LRRC4C: variants seen among roughly 807,000 people sequenced by gnomAD.
LRRC4C encodes the protein leucine rich repeat containing 4C.
LRRC4C carries 5 observed loss-of-function variants against 33.6 expected under a neutral mutation model. The ratio of observed to expected loss-of-function variants is 0.15; its 90% CI spans 0.08 to 0.31. The LOEUF (loss-of-function observed/expected upper bound fraction) is 0.31, where lower values mean the gene tolerates loss of function less well. LRRC4C is among the 10% of genes least tolerant of loss of function. The probability of loss-of-function intolerance (pLI) is 1.00; values close to 1 mark genes in which losing one functional copy is unlikely to be tolerated. For missense variants in LRRC4C, 560 were observed against 796.7 expected, an observed-to-expected ratio of 0.70 and a Z score of 3.58; for synonymous variants, 329 against 302.0, an observed-to-expected ratio of 1.09 and a Z score of -0.93.
intron 5 of LRRC4C, among the ~76,000 whole-genome samples, chr11:40,228,617 C>T: frequency 6.6e-6 from 1 of 152,252 alleles, no homozygotes; most frequent in East Asian, 1.9e-4. Context: ...TAAAGCGCTC[C>T]ACCATGAATT....
At chr11:40,339,303 T>C (rs1380213997) in intron 3 of LRRC4C, among the ~76,000 whole-genome samples, 12 of 152,160 alleles carry the variant, frequency 7.9e-5, no homozygotes, top group African/African-American at 2.9e-4. Flanking sequence ...CTTTCCACAA[T>C]ATAATAAAAA....
At chr11:40,930,665 G>A (rs1957581433) in intron 2 of LRRC4C, among the ~76,000 whole-genome samples, 2 of 152,116 alleles carry the variant, frequency 1.3e-5, no homozygotes, top group Admixed American at 1.3e-4. Context: ...AATTGCTGCT[G>A]TGTCTAGATT....
chr11:41,000,603 C>T (rs368196916), intron 1 of LRRC4C, among the ~76,000 whole-genome samples: 9 of 152,096 alleles, frequency 5.9e-5, no homozygotes, highest in African/African-American at 1.9e-4. Flanking sequence ...CAACACTGGG[C>T]CTATTGATCG....
chr11:40,290,904 T>A lies in LRRC4C; in HGVS notation c.-176+28724A>T, dbSNP rs536288567. 3.8e-4 allele frequency among the ~76,000 whole-genome samples: 58 copies of A among 152,184 alleles called. 1 individual carries two copies. In the South Asian group the frequency reaches 0.012, roughly 32 times the overall value. On this transcript the variant is annotated intron_variant, in intron 4 of 6. Transcript: ENST00000528697. ...CAATGTGCCTTCCTTTGACCCTTAC[T>A]CATAAAACGGCATCCAAAATACAGG...
intron 1 of LRRC4C, among the ~76,000 whole-genome samples, chr11:41,112,264 G>A (rs1941875937): frequency 6.6e-6 from 1 of 151,998 alleles, no homozygotes. Flanking sequence ...ACAAAAACAA[G>A]TAAAACCTTT....
intron 1 of LRRC4C, among the ~76,000 whole-genome samples, chr11:41,202,942 T>A (rs1413062847): frequency 1.3e-5 from 2 of 152,100 alleles, no homozygotes; most frequent in Non-Finnish European, 2.9e-5. Flanking sequence ...TGTGCCACCA[T>A]ATCCAGCTAA....
At chr11:40,614,367 C>T (rs1010605687) in intron 3 of LRRC4C, among the ~76,000 whole-genome samples, 39 of 151,896 alleles carry the variant, frequency 2.6e-4, no homozygotes, top group African/African-American at 9.2e-4. Flanking sequence ...ATGAACCCAC[C>T]TCTGCTAGCT....
chr11:41,412,239 C>A lies in LRRC4C; in HGVS notation c.-496+47192G>T, dbSNP rs1308067365. On this transcript the variant is annotated intron_variant, in intron 1 of 6. Coordinates refer to ENST00000528697, the MANE Select transcript of LRRC4C (RefSeq NM_001258419.2). The stretch of plus-strand genomic sequence containing the variant: ...CATCAAAAAACTGGGCAAATAATTA[C>A]CTTACTTGTTTTTATGAATCTTTCC... Among the ~76,000 whole-genome samples the A allele has an allele frequency of 2.0e-5, 3 of 152,210 alleles. No homozygotes were observed. In the East Asian group the frequency reaches 5.8e-4, roughly 29 times the overall value.
intron 1 of LRRC4C, among the ~76,000 whole-genome samples, chr11:40,944,210 C>G (rs1400195396): frequency 6.6e-6 from 1 of 152,196 alleles, no homozygotes; most frequent in East Asian, 1.9e-4. Context: ...GATTTCATCA[C>G]TAATATTTGC....
chr11:40,131,717 G>T (rs1856656359), intron 6 of LRRC4C, among the ~76,000 whole-genome samples: 1 of 152,086 alleles, frequency 6.6e-6, no homozygotes, highest in Non-Finnish European at 1.5e-5. Flanking sequence ...ACAGTGTCTT[G>T]TACATAATCA....
chr11:40,671,005 C>T (rs1047281219), intron 2 of LRRC4C, among the ~76,000 whole-genome samples: 1 of 152,150 alleles, frequency 6.6e-6, no homozygotes, highest in African/African-American at 2.4e-5. Context: ...CCTCGTGATC[C>T]GCCCGCCTTG....
At position 40,178,600 on chromosome 11, in the gene LRRC4C, C is replaced by A. The variant is rs1860714278; in HGVS notation, c.-95-37747G>T. Among the ~76,000 whole-genome samples, 2 of 152,344 alleles carry A rather than the reference C, an allele frequency of 1.3e-5. 1 individual carries two copies. Among genetic ancestry groups the A allele is most frequent in the South Asian group, 4.1e-4 (2 of 4,832 alleles). On this transcript the variant is annotated intron_variant, in intron 5 of 6. Transcript: ENST00000528697. ...TTACATTTGTCCCCCTATATCCACTCTCTCCCTTCTCCACCCTGTTAAGAC... is the reference window on the plus strand; with the variant it reads ...TTACATTTGTCCCCCTATATCCACTATCTCCCTTCTCCACCCTGTTAAGAC...
intron 3 of LRRC4C, among the ~76,000 whole-genome samples, chr11:40,577,228 T>C (rs977763969): frequency 6.6e-6 from 1 of 152,176 alleles, no homozygotes; most frequent in Non-Finnish European, 1.5e-5. Context: ...AGCTAACAGG[T>C]CCAATTCTTC....
intron 3 of LRRC4C, among the ~76,000 whole-genome samples, chr11:40,459,073 T>C (rs1299041842): frequency 6.6e-6 from 1 of 152,202 alleles, no homozygotes; most frequent in Non-Finnish European, 1.5e-5. Context: ...AAATGTATTA[T>C]GCTCTTCATG....
At chr11:41,004,795 T>A (rs1249890844) in intron 1 of LRRC4C, among the ~76,000 whole-genome samples, 7 of 150,966 alleles carry the variant, frequency 4.6e-5, no homozygotes, top group Admixed American at 4.6e-4. Context: ...AAAAAAAAAA[T>A]TAAACAGAGA....
At position 40,528,494 on chromosome 11, in the gene LRRC4C, T is replaced by G. The variant is rs138234590; in HGVS notation, c.-270+119648A>C. Among the ~76,000 whole-genome samples, 774 of 150,124 alleles carry G rather than the reference T, an allele frequency of 5.2e-3. 22 individuals carry two copies. The highest frequency in any genetic ancestry group is 0.032 in the Admixed American group (487 of 15,112). On this transcript the variant is annotated intron_variant, in intron 3 of 6. Coordinates refer to ENST00000528697, the MANE Select transcript of LRRC4C (RefSeq NM_001258419.2). ...TGTCTTTTATAAAAAAAAAAAGAAG[T>G]GTAGGCAAGGATGTTAAAGAACTGG...
chr11:41,426,363 T>A (rs1955043431), intron 1 of LRRC4C: 1 of 152,214 alleles, frequency 6.6e-6, no homozygotes, highest in Non-Finnish European at 1.5e-5. Context: ...ACCTCCTTGC[T>A]GATTTCTGGA....
At chr11:41,131,277 T>C (rs1000988575) in intron 1 of LRRC4C, among the ~76,000 whole-genome samples, 1 of 152,174 alleles carries the variant, frequency 6.6e-6, no homozygotes, top group South Asian at 2.1e-4. Flanking sequence ...TCCATTATAA[T>C]GATAGTTCTA....
At chr11:40,845,454 G>T (rs1565126309) in intron 2 of LRRC4C, among the ~76,000 whole-genome samples, 1 of 152,164 alleles carries the variant, frequency 6.6e-6, no homozygotes, top group East Asian at 1.9e-4. Context: ...TCCTGTGTTA[G>T]TTTGCTGAGG....
Sources: allele counts gnomAD v4.1 joint callset (sites outside exome capture counted in the v4.1 genomes callset), GRCh38; gene constraint gnomAD v4.1.1; transcripts MANE v1.5; gene names NCBI Gene and HGNC (gene_info 2026-07-23, HGNC 2026-07-21).